Variants in BCKDHB observed in about 807,000 individuals in gnomAD.
BCKDHB encodes 2-oxoisovalerate dehydrogenase subunit beta, mitochondrial.
In BCKDHB, 41 loss-of-function variants were observed where a neutral mutation model predicts 48.5. That is an observed-to-expected ratio of 0.85 (90% CI 0.66 to 1.10). The LOEUF (loss-of-function observed/expected upper bound fraction) is 1.10. Among genes scored for constraint, BCKDHB ranks in the 50% least tolerant of loss-of-function variants. The pLI, the probability that BCKDHB is intolerant of heterozygous loss-of-function variation, is 0.00. For synonymous variants in BCKDHB, 201 were observed against 174.8 expected, an observed-to-expected ratio of 1.15 and a Z score of -1.18; for missense variants, 496 against 494.2, an observed-to-expected ratio of 1.00 and a Z score of -0.03.
At chr6:80,201,119 A>C in intron 7 of BCKDHB, 88 bp downstream of exon 7, 1 of 1,125,738 alleles carries the variant, frequency 8.9e-7, no homozygotes, top group Non-Finnish European at 1.3e-6. Context: ...ATTGAAAACG[A>C]TGTTTTCTTT....
the BCKDHB span, among the ~76,000 whole-genome samples, chr6:80,413,107 C>T: frequency 6.1e-4 from 93 of 152,262 alleles, no homozygotes; most frequent in African/African-American, 2.1e-3. Flanking sequence ...AACCCATCTT[C>T]CTTCTCTGCT....
intron 8 of BCKDHB, among the ~76,000 whole-genome samples, chr6:80,262,682 C>T (rs1369304671): frequency 6.6e-6 from 1 of 151,992 alleles, no homozygotes; most frequent in East Asian, 1.9e-4. Context: ...ATTAATGGAG[C>T]AATAGAACAT....
the BCKDHB span, chr6:80,374,696 T>A: frequency 2.8e-6 from 1 of 354,516 alleles, no homozygotes; most frequent in African/African-American, 2.1e-5. Flanking sequence ...CCATGCTATT[T>A]GTCACCCGAA....
chr6:80,202,739 C>T (rs1162108369), intron 7 of BCKDHB, among the ~76,000 whole-genome samples: 1 of 137,486 alleles, frequency 7.3e-6, no homozygotes, highest in African/African-American at 2.6e-5. Context: ...TTTCTTCCTT[C>T]CTCTCCTCTT....
At chr6:80,140,657 C>T (rs1771153769) in intron 3 of BCKDHB, among the ~76,000 whole-genome samples, 1 of 152,074 alleles carries the variant, frequency 6.6e-6, no homozygotes, top group South Asian at 2.1e-4. Flanking sequence ...ATGAAGCCCA[C>T]TTGATCATGG....
intron 3 of BCKDHB, among the ~76,000 whole-genome samples, chr6:80,137,233 G>T (rs1036082973): frequency 1.3e-4 from 20 of 152,032 alleles, no homozygotes; most frequent in Non-Finnish European, 1.5e-5. Flanking sequence ...TCCAAATAAG[G>T]ATTTTAGACA....
chr6:80,126,759 T>C (rs1770362187), intron 1 of BCKDHB, among the ~76,000 whole-genome samples: 1 of 151,946 alleles, frequency 6.6e-6, no homozygotes, highest in Admixed American at 6.6e-5. Context: ...TCTAATGTCA[T>C]GATGTTTCTG....
the BCKDHB span, among the ~76,000 whole-genome samples, chr6:80,368,249 T>C: frequency 1.3e-5 from 2 of 152,184 alleles, no homozygotes. Flanking sequence ...CCACCATTTT[T>C]CCCCTAAAGC....
intron 8 of BCKDHB, among the ~76,000 whole-genome samples, chr6:80,207,398 A>G (rs1345375797): frequency 6.6e-6 from 1 of 151,954 alleles, no homozygotes; most frequent in Non-Finnish European, 1.5e-5. Context: ...ACAGGGAATG[A>G]ATGCATATCT....
At chr6:80,458,475 A>G in the BCKDHB span, among the ~76,000 whole-genome samples, 2 of 152,198 alleles carry the variant, frequency 1.3e-5, no homozygotes, top group Admixed American at 1.3e-4. Flanking sequence ...GACAGTGTGT[A>G]TGGTGGTTTA....
At chr6:80,442,474 G>A in the BCKDHB span, among the ~76,000 whole-genome samples, 5 of 152,024 alleles carry the variant, frequency 3.3e-5, no homozygotes, top group African/African-American at 9.7e-5. Context: ...TATGTGATAT[G>A]TATATATATC....
intron 8 of BCKDHB, among the ~76,000 whole-genome samples, chr6:80,259,802 C>G (rs1777216656): frequency 1.3e-5 from 2 of 152,046 alleles, no homozygotes; most frequent in South Asian, 4.1e-4. Flanking sequence ...AAGCCAAAAA[C>G]CCAATTCTGA....
intron 9 of BCKDHB, among the ~76,000 whole-genome samples, chr6:80,322,896 C>CTTTTTT (rs34177726): frequency 6.1e-4 from 70 of 115,462 alleles, no homozygotes; most frequent in Middle Eastern, 4.9e-3. Flanking sequence ...TTTCTTTTTT[C>CTTTTTT]TTTTTTTTTT....
In BCKDHB at chr6:80,127,537, A is replaced by AT; in HGVS notation, c.197-6dup. The stretch of plus-strand genomic sequence containing the variant: ...AACACACGAAATGATTTTTTTTTTG[A>AT]TTTTCACAGGGCAAACTCAGAAAAT... On this transcript the variant is annotated splice_polypyrimidine_tract_variant and intron_variant, in intron 1 of 9. Coordinates refer to ENST00000320393, the MANE Select transcript of BCKDHB (RefSeq NM_183050.4). 6.4e-7 allele frequency: 1 copy of AT among 1,561,390 alleles called. No individual in the cohort carries two copies. The highest frequency in any genetic ancestry group is 8.7e-7 in the Non-Finnish European group (1 of 1,147,636).
the BCKDHB span, among the ~76,000 whole-genome samples, chr6:80,442,733 T>G: frequency 7.2e-4 from 109 of 152,226 alleles, 1 homozygote; most frequent in African/African-American, 2.4e-3. Flanking sequence ...GAGAGTATCT[T>G]TGGGATACTG....
intron 1 of BCKDHB, among the ~76,000 whole-genome samples, chr6:80,119,622 C>G (rs1348657221): frequency 2.6e-5 from 4 of 152,108 alleles, no homozygotes; most frequent in Non-Finnish European, 4.4e-5. Flanking sequence ...CACGCCTGGC[C>G]AATGTTGACA....
At chr6:80,295,590 T>C (rs1033730756) in intron 9 of BCKDHB, among the ~76,000 whole-genome samples, 6 of 131,740 alleles carry the variant, frequency 4.6e-5, no homozygotes, top group African/African-American at 1.8e-4. Context: ...CTTGGTAAAA[T>C]AACCAGTTTC....
the BCKDHB span, among the ~76,000 whole-genome samples, chr6:80,390,162 A>C: frequency 2.4e-4 from 36 of 152,196 alleles, no homozygotes; most frequent in Admixed American, 9.2e-4. Flanking sequence ...TCCACAACAG[A>C]GGTAAGGAAG....
intron 1 of BCKDHB, among the ~76,000 whole-genome samples, chr6:80,122,646 A>C (rs899706725): frequency 6.6e-6 from 1 of 152,328 alleles, no homozygotes; most frequent in African/African-American, 2.4e-5. Flanking sequence ...AACAGGGAGT[A>C]GGTACAAAGA....
Sources: allele counts gnomAD v4.1 joint callset (sites outside exome capture counted in the v4.1 genomes callset), GRCh38; gene constraint gnomAD v4.1.1; transcripts MANE v1.5; gene names NCBI Gene and HGNC (gene_info 2026-07-23, HGNC 2026-07-21).